Variants in OSBPL10 observed in about 807,000 individuals in gnomAD.
OSBPL10 encodes the protein oxysterol-binding protein-related protein 10.
In OSBPL10, 49 loss-of-function variants were observed where a neutral mutation model predicts 81.7. That is an observed-to-expected ratio of 0.60 (90% CI 0.48 to 0.76). OSBPL10 has a LOEUF of 0.76. Ranked by LOEUF, OSBPL10 falls within the 30% of genes least tolerant of loss-of-function variation. OSBPL10 has a pLI of 0.00. For synonymous variants in OSBPL10, 419 were observed against 383.6 expected (o/e 1.09, Z -1.08); for missense variants, 923 against 987.8 (o/e 0.93, Z 0.88).
intron 2 of OSBPL10, among the ~76,000 whole-genome samples, chr3:31,996,565 G>A (rs1365656525): frequency 6.6e-6 from 1 of 152,120 alleles, no homozygotes; most frequent in Non-Finnish European, 1.5e-5. Flanking sequence ...CTTTCCCAAA[G>A]TTTAAAAAGA....
upstream of OSBPL10, among the ~76,000 whole-genome samples, chr3:31,984,115 G>A (rs537141551): frequency 1.3e-5 from 2 of 152,202 alleles, no homozygotes; most frequent in Non-Finnish European, 2.9e-5. Context: ...TCAGCTCACT[G>A]CAAGCCCTGC....
rs146900503 is a variant in OSBPL10 at position 31,891,763 on chromosome 3, G to A, written c.282-11933C>T. The stretch of plus-strand genomic sequence containing the variant: ...GTGTGGTCAACTGTACATAGGTTCT[G>A]TGATATGAATAAAGCACTCTGGATA... On this transcript the variant is annotated intron_variant, in intron 1 of 11. Transcript: ENST00000396556. Among the ~76,000 whole-genome samples the A allele has an allele frequency of 2.4e-3, 373 of 152,270 alleles. 2 individuals are homozygous for A. The highest frequency in any genetic ancestry group is 7.8e-3 in the African/African-American group (324 of 41,548).
In OSBPL10 at chr3:31,731,490, T is replaced by C. The variant is rs1394974628; in HGVS notation, c.1095+1767A>G. Among the ~76,000 whole-genome samples the C allele has an allele frequency of 1.2e-4, 8 of 64,672 alleles. No individual in the cohort carries two copies. The East Asian group carries it at 9.4e-3, about 76-fold the overall frequency. 42.4% of individuals were successfully genotyped at this position (64,672 alleles called of 152,430 possible). On this transcript the variant is annotated intron_variant, in intron 6 of 11. Coordinates refer to ENST00000396556, the MANE Select transcript of OSBPL10 (RefSeq NM_017784.5). ...ACTTGGGAATTAGTTATTTCTTTCT[T>C]TTTTTTTTTTTTTCTTGAGATGGTG... is the stretch of plus-strand genomic sequence containing the variant.
intron 2 of OSBPL10, chr3:32,046,444 T>C (rs553446311): frequency 6.6e-6 from 1 of 152,338 alleles, no homozygotes; most frequent in East Asian, 1.9e-4. Flanking sequence ...CAGAGATCAC[T>C]GTCTGCACTT....
At chr3:31,718,642 T>C (rs1359952060) in intron 6 of OSBPL10, 3 of 152,366 alleles carry the variant, frequency 2.0e-5, no homozygotes, top group Non-Finnish European at 2.9e-5. Flanking sequence ...TAACACTTTA[T>C]TGGAAATTGA....
chr3:31,844,341 A>G (rs1700575564), intron 3 of OSBPL10, among the ~76,000 whole-genome samples: 1 of 152,254 alleles, frequency 6.6e-6, no homozygotes, highest in Non-Finnish European at 1.5e-5. Flanking sequence ...AACAGACTCA[A>G]ATACATATAC....
In OSBPL10 at chr3:31,702,392, A is replaced by G. The variant is rs1305011718; in HGVS notation, c.1212T>C (p.Ile404=). ...EDQRSIILHL[I]SQLKLGMDLT... is the part of the protein sequence containing the mutation. ...AATCCATTCCAAGTTTGAGTTGTGA[A>G]ATGAGATGAAGAATTATACTACGCT... The change falls in exon 7 of 12, where the codon ATT becomes ATC. Residue 404 remains isoleucine, a synonymous_variant. Transcript: ENST00000396556. 1 of 1,614,190 alleles carries G rather than the reference A, an allele frequency of 6.2e-7. No individual in the cohort carries two copies. The highest frequency in any genetic ancestry group is 1.1e-5 in the South Asian group (1 of 91,084).
chr3:31,976,006 A>G (rs1197912160), intron 1 of OSBPL10, among the ~76,000 whole-genome samples: 1 of 152,206 alleles, frequency 6.6e-6, no homozygotes, highest in East Asian at 1.9e-4. Flanking sequence ...ATAGGAAAGG[A>G]AGATAGGATT....
chr3:31,985,686 C>T (rs1483476867), upstream of OSBPL10, among the ~76,000 whole-genome samples: 1 of 152,230 alleles, frequency 6.6e-6, no homozygotes, highest in Non-Finnish European at 1.5e-5. Context: ...AGAAAATTAT[C>T]ACAACCAGAT....
At position 31,945,069 on chromosome 3, in the gene OSBPL10, T is replaced by G. The variant is rs548806850; in HGVS notation, c.281+35830A>C. ...GGGAGGCCACGGCAGGAGAATCACTTGAACCTGGGAGGCAGAGGTTGCAGT... is the reference window on the plus strand; with the variant it reads ...GGGAGGCCACGGCAGGAGAATCACTGGAACCTGGGAGGCAGAGGTTGCAGT... On this transcript the variant is annotated intron_variant, in intron 1 of 11. Coordinates refer to ENST00000396556, the MANE Select transcript of OSBPL10 (RefSeq NM_017784.5). Among the ~76,000 whole-genome samples, 605 of 147,402 alleles carry G rather than the reference T, an allele frequency of 4.1e-3. 2 individuals carry two copies. The highest frequency in any genetic ancestry group is 0.014 in the African/African-American group (574 of 39,698).
chr3:31,824,124 T>C (rs1243058858), intron 4 of OSBPL10, among the ~76,000 whole-genome samples: 3 of 152,254 alleles, frequency 2.0e-5, no homozygotes, highest in East Asian at 1.9e-4. Flanking sequence ...CCTCCCAAAG[T>C]GATGGAATTA....
At chr3:32,072,827 G>T (rs1483602854) in intron 1 of OSBPL10, among the ~76,000 whole-genome samples, 20 of 152,148 alleles carry the variant, frequency 1.3e-4, no homozygotes, top group Non-Finnish European at 2.9e-4. Flanking sequence ...TTCCCACGGG[G>T]TCTGAGAAGG....
At chr3:31,835,473 C>A (rs73824704) in intron 3 of OSBPL10, among the ~76,000 whole-genome samples, 1 of 152,182 alleles carries the variant, frequency 6.6e-6, no homozygotes, top group African/African-American at 2.4e-5. Context: ...TTTAAGATTT[C>A]AAATAGACAT....
At chr3:31,879,615 C>T (rs1026785551) in intron 2 of OSBPL10, 40 bp downstream of exon 2, 1 of 1,571,968 alleles carries the variant, frequency 6.4e-7, no homozygotes, top group Non-Finnish European at 8.6e-7. Context: ...ACCATAGCAA[C>T]TAGAGGCCTG....
intron 2 of OSBPL10, among the ~76,000 whole-genome samples, chr3:31,995,049 A>G (rs1279244477): frequency 2.0e-5 from 3 of 152,216 alleles, no homozygotes; most frequent in African/African-American, 7.2e-5. Flanking sequence ...ACATGCTTTA[A>G]GGGGCAAAAA....
At chr3:31,837,904 T>C (rs1218761292) in intron 3 of OSBPL10, among the ~76,000 whole-genome samples, 6 of 152,076 alleles carry the variant, frequency 3.9e-5, no homozygotes, top group African/African-American at 1.4e-4. Context: ...GAAATACACA[T>C]ATCAGGTAAA....
intron 1 of OSBPL10, among the ~76,000 whole-genome samples, chr3:31,910,005 T>C (rs1314893351): frequency 6.9e-6 from 1 of 145,360 alleles, no homozygotes; most frequent in Non-Finnish European, 1.5e-5. Flanking sequence ...TTTTTTTAGA[T>C]GGAACCTTGC....
intron 6 of OSBPL10, among the ~76,000 whole-genome samples, chr3:31,710,096 A>G (rs1016355609): frequency 6.6e-6 from 1 of 152,206 alleles, no homozygotes; most frequent in Non-Finnish European, 1.5e-5. Context: ...GAGATGCACA[A>G]AAGGAAAGCT....
intron 1 of OSBPL10, among the ~76,000 whole-genome samples, chr3:31,946,928 C>T (rs1176958919): frequency 1.3e-5 from 2 of 152,078 alleles, no homozygotes; most frequent in African/African-American, 2.4e-5. Context: ...CAAGGAGCAT[C>T]GAAACAAAGA....
Sources: allele counts gnomAD v4.1 joint callset (sites outside exome capture counted in the v4.1 genomes callset), GRCh38; gene constraint gnomAD v4.1.1; transcripts MANE v1.5; gene names NCBI Gene and HGNC (gene_info 2026-07-23, HGNC 2026-07-21).